Variants in DAB1 observed in about 807,000 individuals in gnomAD.
DAB1 encodes disabled homolog 1.
A neutral mutation model predicts 64.6 loss-of-function variants in DAB1; 15 were observed. That is an observed-to-expected ratio of 0.23 (90% CI 0.16 to 0.36). The LOEUF (loss-of-function observed/expected upper bound fraction) is 0.36, where lower values mean the gene tolerates loss of function less well. Ranked by LOEUF, DAB1 falls within the 10% of genes least tolerant of loss-of-function variation. The pLI is 1.00. For synonymous variants in DAB1, 235 were observed against 251.9 expected, an observed-to-expected ratio of 0.93 and a Z score of 0.64; for missense variants, 596 against 706.7, an observed-to-expected ratio of 0.84 and a Z score of 1.78.
At chr1:57,003,846 T>A (rs756610088) in intron 14 of DAB1, among the ~76,000 whole-genome samples, 3 of 152,190 alleles carry the variant, frequency 2.0e-5, no homozygotes, top group African/African-American at 7.2e-5. Flanking sequence ...TTGACAAATA[T>A]ATACACCCAT....
chr1:58,098,476 C>T (rs1651121565), intron 5 of DAB1, among the ~76,000 whole-genome samples: 1 of 152,134 alleles, frequency 6.6e-6, no homozygotes, highest in Non-Finnish European at 1.5e-5. Context: ...AATACCTCAA[C>T]TTACTCTCTC....
intron 2 of DAB1, among the ~76,000 whole-genome samples, chr1:57,260,380 C>T (rs1271089419): frequency 6.6e-6 from 1 of 152,144 alleles, no homozygotes; most frequent in African/African-American, 2.4e-5. Flanking sequence ...TCATAGTAAC[C>T]TGTGGGAGGG....
At chr1:57,408,514 G>A (rs1298135851) in intron 1 of DAB1, among the ~76,000 whole-genome samples, 1 of 152,100 alleles carries the variant, frequency 6.6e-6, no homozygotes, top group Non-Finnish European at 1.5e-5. Flanking sequence ...TTGAGTTTCA[G>A]AGCCTTTTAG....
chr1:58,198,431 G>A (rs1657812269), intron 4 of DAB1, among the ~76,000 whole-genome samples: 1 of 152,192 alleles, frequency 6.6e-6, no homozygotes, highest in South Asian at 2.1e-4. Context: ...ATTCATTGTG[G>A]ATAGGCTGTG....
rs1485186624 is a variant in DAB1 at position 57,714,596 on chromosome 1, C to T, written n.552-64931G>A. ...GTTATTGGAACTTGAAATGGAACAC[C>T]ATATTTGTTCTTGGAGATCCGGGAA... On this transcript the variant is annotated intron_variant and non_coding_transcript_variant, in intron 6 of 20. Coordinates refer to the DAB1 transcript ENST00000485760. Among the ~76,000 whole-genome samples the T allele has an allele frequency of 2.0e-5, 3 of 152,136 alleles. No homozygotes were observed. The East Asian group carries it at 5.8e-4, about 29-fold the overall frequency.
Position 57,166,227 on chromosome 1 carries a change from T to A in DAB1, c.68-20798A>T, listed in dbSNP as rs528536945. Among the ~76,000 whole-genome samples, 180 of 152,292 alleles carry A rather than the reference T, an allele frequency of 1.2e-3. 2 individuals carry two copies. Among genetic ancestry groups the A allele is most frequent in the African/African-American group, 3.9e-3 (162 of 41,560 alleles). On this transcript the variant is annotated intron_variant, in intron 2 of 14. Coordinates refer to ENST00000371236, the MANE Select transcript of DAB1 (RefSeq NM_001365792.1). ...AAAAAGCTTACAATAGACAGGTAAC[T>A]TCTTCCATATCATGCAACCTTCATT...
intron 3 of DAB1, among the ~76,000 whole-genome samples, chr1:58,354,708 A>G (rs1644094042): frequency 6.6e-6 from 1 of 152,170 alleles, no homozygotes; most frequent in Non-Finnish European, 1.5e-5. Context: ...ATCACAGAGG[A>G]TAAGAATCCA....
At chr1:58,161,907 T>C (rs2100750424) in intron 4 of DAB1, among the ~76,000 whole-genome samples, 1 of 152,266 alleles carries the variant, frequency 6.6e-6, no homozygotes, top group Middle Eastern at 3.4e-3. Flanking sequence ...GATTTACATT[T>C]TAGAAAGATT....
intron 2 of DAB1, among the ~76,000 whole-genome samples, chr1:57,287,354 C>T (rs962009470): frequency 6.6e-6 from 1 of 152,186 alleles, no homozygotes; most frequent in Non-Finnish European, 1.5e-5. Context: ...AGACTATAGG[C>T]ATGAGCCACC....
chr1:57,528,318 T>C (rs973099755), intron 7 of DAB1, among the ~76,000 whole-genome samples: 1 of 151,992 alleles, frequency 6.6e-6, no homozygotes, highest in Non-Finnish European at 1.5e-5. Flanking sequence ...CCAATAGATA[T>C]CTAAAACTCA....
intron 7 of DAB1, among the ~76,000 whole-genome samples, chr1:57,599,856 C>T (rs559378762): frequency 4.6e-4 from 70 of 152,296 alleles, no homozygotes; most frequent in African/African-American, 1.6e-3. Context: ...CTCCTCCTGA[C>T]ACTCCATTCC....
intron 9 of DAB1, among the ~76,000 whole-genome samples, chr1:57,037,677 G>A (rs56979642): frequency 0.016 from 2,501 of 152,268 alleles, 57 homozygotes; most frequent in African/African-American, 0.057. Flanking sequence ...TGCTAATGGA[G>A]ACTAATTCCT....
intron 7 of DAB1, among the ~76,000 whole-genome samples, chr1:57,494,292 T>C (rs942901044): frequency 1.3e-5 from 2 of 152,146 alleles, no homozygotes; most frequent in Middle Eastern, 3.2e-3. Flanking sequence ...TCTCATTCTA[T>C]TGAAGTTCCA....
At chr1:57,458,308 A>AT (rs933232503) in intron 7 of DAB1, among the ~76,000 whole-genome samples, 8 of 152,042 alleles carry the variant, frequency 5.3e-5, no homozygotes, top group East Asian at 1.9e-4. Flanking sequence ...GCTCATTTAA[A>AT]TTTTTTTTAT....
At chr1:57,239,832 G>C (rs1222799177) in intron 2 of DAB1, among the ~76,000 whole-genome samples, 1 of 152,106 alleles carries the variant, frequency 6.6e-6, no homozygotes, top group East Asian at 1.9e-4. Flanking sequence ...CTATCTGTCA[G>C]GTCATTTGTC....
chr1:57,579,041 G>T (rs1259589880), intron 7 of DAB1, among the ~76,000 whole-genome samples: 1 of 152,172 alleles, frequency 6.6e-6, no homozygotes, highest in East Asian at 1.9e-4. Context: ...GAAGCAGGGG[G>T]TCAGATATGG....
chr1:57,814,000 T>A (rs2101887950), intron 6 of DAB1, among the ~76,000 whole-genome samples: 1 of 152,378 alleles, frequency 6.6e-6, no homozygotes, highest in Admixed American at 6.5e-5. Flanking sequence ...TTTTTGGATG[T>A]CCAATTATCA....
At chr1:57,097,314 G>T (rs1051038881) in intron 4 of DAB1, among the ~76,000 whole-genome samples, 1 of 152,070 alleles carries the variant, frequency 6.6e-6, no homozygotes, top group Admixed American at 6.6e-5. Flanking sequence ...CAAGCTACAG[G>T]TACCATCTGG....
At chr1:57,424,348 A>G (rs990377601), upstream of DAB1, among the ~76,000 whole-genome samples, 8 of 147,738 alleles carry the variant, frequency 5.4e-5, no homozygotes, top group Non-Finnish European at 1.0e-4. Flanking sequence ...CGAGCGAGCG[A>G]GCGAGCGAGC....
Sources: allele counts gnomAD v4.1 joint callset (sites outside exome capture counted in the v4.1 genomes callset), GRCh38; gene constraint gnomAD v4.1.1; transcripts MANE v1.5; gene names NCBI Gene and HGNC (gene_info 2026-07-23, HGNC 2026-07-21).